The following MSRA variants were observed in gnomAD, a reference collection of about 807,000 sequenced individuals.
The protein encoded by MSRA is mitochondrial peptide methionine sulfoxide reductase.
Under a neutral mutation model 31.3 loss-of-function variants are expected in MSRA, and 54 were observed. The ratio of observed to expected loss-of-function variants is 1.73; its 90% CI spans 1.39 to 2.17. The LOEUF (loss-of-function observed/expected upper bound fraction) is 2.17, where lower values mean the gene tolerates loss of function less well. Among genes scored for constraint, MSRA ranks in the 30% most tolerant of loss-of-function variants. The pLI is 0.00. For missense variants in MSRA, 507 were observed against 300.9 expected (o/e 1.69, Z -5.07); for synonymous variants, 169 against 116.5 (o/e 1.45, Z -2.90).
chr8:10,139,395 G>T (rs1485259028), intron 1 of MSRA, among the ~76,000 whole-genome samples: 1 of 152,004 alleles, frequency 6.6e-6, no homozygotes, highest in Non-Finnish European at 1.5e-5. Context: ...ACTAAATTCG[G>T]GGGCGGGGGA....
At chr8:10,286,255 C>G (rs1799931911) in intron 3 of MSRA, among the ~76,000 whole-genome samples, 1 of 152,158 alleles carries the variant, frequency 6.6e-6, no homozygotes, top group Non-Finnish European at 1.5e-5. Flanking sequence ...TATCCCCACC[C>G]AGATCTCATC....
intron 1 of MSRA, among the ~76,000 whole-genome samples, chr8:10,111,635 A>T (rs1800291596): frequency 6.6e-6 from 1 of 152,192 alleles, no homozygotes; most frequent in South Asian, 2.1e-4. Flanking sequence ...AGGTATTTTG[A>T]GATCTTTCAG....
chr8:10,208,643 G>A (rs1218053905), intron 2 of MSRA, among the ~76,000 whole-genome samples: 1 of 151,730 alleles, frequency 6.6e-6, no homozygotes, highest in African/African-American at 2.4e-5. Context: ...CTCTAGCAGT[G>A]CTCTGGGGTT....
chr8:10,107,425 A>T (rs1482930501), intron 1 of MSRA, among the ~76,000 whole-genome samples: 1 of 152,152 alleles, frequency 6.6e-6, no homozygotes, highest in African/African-American at 2.4e-5. Flanking sequence ...ATCTCTGGGC[A>T]GCAGTCCTTG....
intron 1 of MSRA, among the ~76,000 whole-genome samples, chr8:10,154,828 T>C (rs1804011843): frequency 6.6e-6 from 1 of 151,394 alleles, no homozygotes; most frequent in Non-Finnish European, 1.5e-5. Flanking sequence ...AAGATTTTAA[T>C]TTTTTTTTCT....
chr8:10,270,282 A>G (rs1798960634), intron 3 of MSRA, among the ~76,000 whole-genome samples: 1 of 152,196 alleles, frequency 6.6e-6, no homozygotes, highest in African/African-American at 2.4e-5. Flanking sequence ...TTCTGTTTCA[A>G]GTTAATGCAC....
chr8:10,062,971 C>G (rs1585068737), intron 1 of MSRA, among the ~76,000 whole-genome samples: 1 of 152,150 alleles, frequency 6.6e-6, no homozygotes. Flanking sequence ...CTGGCCATGG[C>G]TTTGCTTTCT....
At chr8:10,276,982 C>G (rs1799353684) in intron 3 of MSRA, among the ~76,000 whole-genome samples, 4 of 151,862 alleles carry the variant, frequency 2.6e-5, no homozygotes, top group Non-Finnish European at 5.9e-5. Context: ...TTTTTTTTCT[C>G]TGTGTAATTG....
chr8:10,351,838 C>G (rs1276215308), intron 5 of MSRA, among the ~76,000 whole-genome samples: 1 of 152,196 alleles, frequency 6.6e-6, no homozygotes, highest in Non-Finnish European at 1.5e-5. Flanking sequence ...TGAACCCAGA[C>G]TGCTTTTCCT....
chr8:10,245,080 T>TTTTTTTC (rs749099900), intron 2 of MSRA, 24 bp from the exon 3 acceptor site: 9 of 1,608,896 alleles, frequency 5.6e-6, no homozygotes, highest in South Asian at 2.2e-5. Flanking sequence ...CAGTATCCTT[T>TTTTTTTC]TTTTTTCTTT....
At chr8:10,241,552 C>T (rs1356903966) in intron 2 of MSRA, among the ~76,000 whole-genome samples, 1 of 152,070 alleles carries the variant, frequency 6.6e-6, no homozygotes, top group Non-Finnish European at 1.5e-5. Context: ...GTGAATTGTA[C>T]CACTGAGTAA....
chr8:10,326,866 G>T (rs116270356), intron 5 of MSRA, among the ~76,000 whole-genome samples: 2 of 152,112 alleles, frequency 1.3e-5, no homozygotes, highest in Non-Finnish European at 2.9e-5. Context: ...TGTGGCCTCC[G>T]GTAGAGTGAG....
At chr8:10,055,216 C>T (rs1280609898) in intron 1 of MSRA, among the ~76,000 whole-genome samples, 1 of 152,216 alleles carries the variant, frequency 6.6e-6, no homozygotes, top group African/African-American at 2.4e-5. Flanking sequence ...GCCCCGCTGT[C>T]CCCAGGGGCA....
chr8:10,144,535 T>G (rs919429154), intron 1 of MSRA, among the ~76,000 whole-genome samples: 1 of 152,200 alleles, frequency 6.6e-6, no homozygotes, highest in African/African-American at 2.4e-5. Flanking sequence ...GTACATGTAT[T>G]CAAAATATAT....
chr8:10,353,712 G>A (rs1296501978), intron 5 of MSRA: 1 of 453,122 alleles, frequency 2.2e-6, no homozygotes, highest in East Asian at 7.0e-5. Context: ...CCCTGTACCT[G>A]CCCACTGCCA....
At chr8:10,260,920 G>A (rs780312379) in intron 3 of MSRA, among the ~76,000 whole-genome samples, 2 of 152,156 alleles carry the variant, frequency 1.3e-5, no homozygotes, top group Non-Finnish European at 2.9e-5. Context: ...AAATATAGCT[G>A]AAATAAATTT....
At chr8:10,412,877 T>C (rs549711065) in intron 5 of MSRA, among the ~76,000 whole-genome samples, 140 of 152,070 alleles carry the variant, frequency 9.2e-4, no homozygotes, top group Non-Finnish European at 1.7e-3. Flanking sequence ...GGGACTGAGG[T>C]GGGGAGCACA....
chr8:10,198,744 C>T (rs1412794652), intron 1 of MSRA, among the ~76,000 whole-genome samples: 1 of 152,186 alleles, frequency 6.6e-6, no homozygotes, highest in Non-Finnish European at 1.5e-5. Flanking sequence ...CTGGCTCAGC[C>T]TCCCTAGTAG....
intron 1 of MSRA, among the ~76,000 whole-genome samples, chr8:10,193,097 T>G (rs1013410079): frequency 1.3e-5 from 2 of 152,228 alleles, no homozygotes; most frequent in Non-Finnish European, 2.9e-5. Flanking sequence ...TATCAAGACA[T>G]AATTCTCCTC....
Sources: gnomAD v4.1 joint callset for allele counts (sites outside exome capture counted in the v4.1 genomes callset) on GRCh38, gnomAD v4.1.1 for gene constraint, MANE v1.5 for transcripts, NCBI Gene and HGNC (gene_info 2026-07-23, HGNC 2026-07-21) for gene names.